PCGF3: variants seen among roughly 807,000 people sequenced by gnomAD.
PCGF3 encodes the protein polycomb group ring finger 3.
In PCGF3, 7 loss-of-function variants were observed where a neutral mutation model predicts 33.1. That is an observed-to-expected ratio of 0.21 (90% CI 0.12 to 0.40). The LOEUF (loss-of-function observed/expected upper bound fraction) is 0.40. Ranked by LOEUF, PCGF3 falls within the 10% of genes least tolerant of loss-of-function variation. PCGF3 has a pLI of 1.00. For synonymous variants in PCGF3, 153 were observed against 121.3 expected (o/e 1.26, Z -1.72); for missense variants, 211 against 313.3 (o/e 0.67, Z 2.46).
chr4:757,752 C>T (rs866318387), intron 8 of PCGF3: 2 of 152,172 alleles, frequency 1.3e-5, no homozygotes, highest in Non-Finnish European at 1.5e-5. Flanking sequence ...TCCTTCCTCC[C>T]TGTTGTCTAG....
At chr4:734,319 T>C in intron 4 of PCGF3, 2 of 1,444,170 alleles carry the variant, frequency 1.4e-6, no homozygotes, top group South Asian at 1.5e-5. Context: ...GCCCCATGGC[T>C]GGCGGCCCTG....
chr4:737,510 G>A, exon 6 of PCGF3: 1 of 1,607,840 alleles, frequency 6.2e-7, no homozygotes, highest in Non-Finnish European at 8.5e-7. Flanking sequence ...TTGGTACCAG[G>A]CCTCCAAGAA....
chr4:765,134 A>G lies in PCGF3; in HGVS notation c.681+70A>G, dbSNP rs1745290157. 2.1e-5 allele frequency: 23 copies of G among 1,093,538 alleles called. No individual in the cohort carries two copies. In the South Asian group the frequency reaches 3.0e-4, roughly 14 times the overall value. The allele number at this position is 1,093,538 out of a possible 1,614,324, so 67.7% of individuals were successfully genotyped here. On this transcript the variant is annotated intron_variant, in intron 10 of 10. Coordinates refer to ENST00000362003, the Ensembl canonical transcript of PCGF3. The stretch of plus-strand genomic sequence containing the variant: ...TGACTTTGCTGTGCATCTCTTATCT[A>G]AAATGTTAAATGACTCCAGCTGGGT...
chr4:707,596 G>T lies in PCGF3; in HGVS notation c.-190+1626G>T, dbSNP rs564438289. Reference sequence around the variant, plus strand: ...AGCTCTGTTTTCCCCTGGGGGTCGGGACTCTGGGACAGCTCTGTTTTCCCC... The same window carrying T: ...AGCTCTGTTTTCCCCTGGGGGTCGGTACTCTGGGACAGCTCTGTTTTCCCC... On this transcript the variant is annotated intron_variant, in intron 1 of 10. Transcript: ENST00000362003. Among the ~76,000 whole-genome samples, 396 of 110,552 alleles carry T rather than the reference G, an allele frequency of 3.6e-3. 91 individuals are homozygous for T. The highest frequency in any genetic ancestry group is 5.9e-3 in the Non-Finnish European group (289 of 48,706). 72.5% of individuals were successfully genotyped at this position (110,552 alleles called of 152,430 possible). A position where few individuals can be genotyped will look rare whatever the true frequency, so the allele number is the denominator to read the frequency against.
Position 720,034 on chromosome 4 carries a change from TG to T in PCGF3, c.-189-10595del, listed in dbSNP as rs1353548496. Among the ~76,000 whole-genome samples, 5 of 152,192 alleles carry T rather than the reference TG, an allele frequency of 3.3e-5. No individual in the cohort carries two copies. The highest frequency in any genetic ancestry group is 5.9e-5 in the Non-Finnish European group (4 of 68,026). On this transcript the variant is annotated intron_variant, in intron 1 of 10. Coordinates refer to ENST00000362003, the Ensembl canonical transcript of PCGF3. This position sits in a 1 kb window ranked among gnomAD's most constrained non-coding sequence, Gnocchi z 5.6. ...CCAGTTGCAGCAGTTTGGTCATTTTTGTGTGAAAATAAATGAAAACAGGTTT... is the reference window on the plus strand; with the variant it reads ...CCAGTTGCAGCAGTTTGGTCATTTTTTGTGAAAATAAATGAAAACAGGTTT...
intron 1 of PCGF3, among the ~76,000 whole-genome samples, chr4:715,587 TG>T (rs1742790514): frequency 7.9e-5 from 6 of 76,082 alleles, no homozygotes; most frequent in African/African-American, 9.8e-5. Context: ...GTGGACACTG[TG>T]AGTGTGAGAA....
At chr4:722,700 T>C (rs897249289) in intron 1 of PCGF3, among the ~76,000 whole-genome samples, 14,285 of 35,378 alleles carry the variant, frequency 0.4, 3,813 homozygotes, top group African/African-American at 0.59. Context: ...TCATCACCTG[T>C]CTGCGCTGGG....
intron 3 of PCGF3, chr4:731,389 C>T: frequency 2.6e-6 from 1 of 388,212 alleles, no homozygotes; most frequent in South Asian, 1.2e-4. Context: ...AGGAGCAGTG[C>T]TGCTTGGGGG....
rs370368739 is a variant in PCGF3 at position 742,425 on chromosome 4, G to C, written c.263-1049G>C. On this transcript the variant is annotated intron_variant, in intron 6 of 10. Transcript: ENST00000362003. Reference sequence around the variant, plus strand: ...GTAGGGAGGAAATCGTGGATAAAAAGTTTGGTGAAGAATTCCTTGGTCACG... The same window carrying C: ...GTAGGGAGGAAATCGTGGATAAAAACTTTGGTGAAGAATTCCTTGGTCACG... Among the ~76,000 whole-genome samples, 18 of 152,352 alleles carry C rather than the reference G, an allele frequency of 1.2e-4. No individual in the cohort carries two copies. In the South Asian group the frequency reaches 2.5e-3, roughly 21 times the overall value.
At chr4:766,549 C>T (rs1375674899) in exon 11 of PCGF3, 2 of 152,530 alleles carry the variant, frequency 1.3e-5, no homozygotes, top group Admixed American at 1.3e-4. Flanking sequence ...ATTTATGTTG[C>T]CTTTAGCTTC....
chr4:764,864 C>T (rs1745276227), intron 9 of PCGF3, 120 bp from the exon 10 acceptor site: 2 of 668,352 alleles, frequency 3.0e-6, no homozygotes, highest in African/African-American at 1.8e-5. Flanking sequence ...CCCACCCCAT[C>T]TCTAGGCACG....
intron 3 of PCGF3, among the ~76,000 whole-genome samples, chr4:733,053 C>CCTGCCGCGTGCTGCCT (rs1743672613): frequency 7.1e-6 from 1 of 140,728 alleles, no homozygotes; most frequent in African/African-American, 2.6e-5. Context: ...GGGTGGGGCC[C>CCTGCCGCGTGCTGCCT]CTGCCGCGTG....
At chr4:742,485 G>A (rs1367713457) in intron 6 of PCGF3, among the ~76,000 whole-genome samples, 1 of 152,212 alleles carries the variant, frequency 6.6e-6, no homozygotes, top group African/African-American at 2.4e-5. Flanking sequence ...TGATGTCTGG[G>A]TTGCGGTTTG....
exon 1 of PCGF3, chr4:705,948 C>G (rs908584841): frequency 6.6e-6 from 1 of 152,188 alleles, no homozygotes; most frequent in South Asian, 2.1e-4. Context: ...GCGCCTTGCT[C>G]GCCCGCAGCC....
chr4:760,313 T>G (rs1416296327), intron 8 of PCGF3, among the ~76,000 whole-genome samples: 1 of 152,182 alleles, frequency 6.6e-6, no homozygotes, highest in Non-Finnish European at 1.5e-5. Flanking sequence ...CTCTTAGCCT[T>G]CCTTTTATTG....
chr4:764,883 T>C, intron 9 of PCGF3, 101 bp from the exon 10 acceptor site: 1 of 754,442 alleles, frequency 1.3e-6, no homozygotes, highest in South Asian at 1.6e-5. Flanking sequence ...CGTTCTTGCA[T>C]GATTGGGGAG....
chr4:767,130 C>T (rs1195410983), exon 11 of PCGF3: 3 of 152,192 alleles, frequency 2.0e-5, no homozygotes, highest in Non-Finnish European at 4.4e-5. Context: ...ACTGGAAGGG[C>T]GTTTTTCAGA....
chr4:767,399 G>T (rs1745431162), exon 11 of PCGF3: 1 of 152,294 alleles, frequency 6.6e-6, no homozygotes, highest in East Asian at 1.9e-4. Flanking sequence ...AGTGGTTGAG[G>T]TGTTGTCCTG....
intron 9 of PCGF3, chr4:761,844 G>A (rs1050362325): frequency 2.0e-6 from 2 of 985,246 alleles, no homozygotes; most frequent in Non-Finnish European, 2.4e-6. Context: ...GAACATGCCA[G>A]TGTGGGTCCC....
Sources: allele counts gnomAD v4.1 joint callset (sites outside exome capture counted in the v4.1 genomes callset), GRCh38; gene constraint gnomAD v4.1.1; non-coding constraint Gnocchi (gnomAD v3.1); transcripts MANE v1.5; gene names NCBI Gene and HGNC (gene_info 2026-07-23, HGNC 2026-07-21).